MACF1: variants seen among roughly 807,000 people sequenced by gnomAD.
MACF1 encodes microtubule actin crosslinking factor 1.
In MACF1, 193 loss-of-function variants were observed where a neutral mutation model predicts 854.8. That is an observed-to-expected ratio of 0.23 (90% CI 0.20 to 0.25). The LOEUF (loss-of-function observed/expected upper bound fraction) is 0.25, where lower values mean the gene tolerates loss of function less well. Among genes scored for constraint, MACF1 ranks in the 10% least tolerant of loss-of-function variants. The probability of loss-of-function intolerance (pLI) is 1.00; values close to 1 mark genes in which losing one functional copy is unlikely to be tolerated. For synonymous variants in MACF1, 3,185 were observed against 3,226.7 expected, an observed-to-expected ratio of 0.99 and a Z score of 0.44; for missense variants, 7,722 against 8,929.1, an observed-to-expected ratio of 0.86 and a Z score of 5.45.
chr1:39,118,781 G>T (rs971782967), intron 2 of MACF1, among the ~76,000 whole-genome samples: 2 of 152,122 alleles, frequency 1.3e-5, no homozygotes, highest in African/African-American at 4.8e-5. Context: ...GCTAATAAGC[G>T]CAGAAAATAG....
intron 40 of MACF1, 42 bp downstream of exon 40, chr1:39,340,995 A>G (rs369601409): frequency 7.5e-5 from 113 of 1,507,886 alleles, no homozygotes; most frequent in Non-Finnish European, 9.9e-5. Flanking sequence ...AGTTGTATCA[A>G]TTTTATTTCC....
At chr1:39,259,338 T>C (rs545976876) in intron 6 of MACF1, among the ~76,000 whole-genome samples, 4 of 152,338 alleles carry the variant, frequency 2.6e-5, no homozygotes, top group Non-Finnish European at 4.4e-5. Flanking sequence ...CTTGGCTCAC[T>C]GCAACCTCCG....
chr1:39,452,131 C>T (rs1290095444), intron 85 of MACF1, 25 bp from the exon 86 acceptor site: 2 of 1,561,476 alleles, frequency 1.3e-6, no homozygotes, highest in Non-Finnish European at 1.7e-6. Flanking sequence ...CTTGAACAAA[C>T]AAATTCTCCT....
At chr1:39,481,849 A>G (rs1395433892) in intron 99 of MACF1, among the ~76,000 whole-genome samples, 2 of 152,284 alleles carry the variant, frequency 1.3e-5, no homozygotes, top group South Asian at 2.1e-4. Context: ...CAAGGGATGC[A>G]CAAGAAGTCA....
intron 6 of MACF1, among the ~76,000 whole-genome samples, chr1:39,277,613 G>T (rs1343920617): frequency 6.6e-6 from 1 of 152,140 alleles, no homozygotes; most frequent in East Asian, 1.9e-4. Context: ...GGCCAAGCAT[G>T]TCTTCTTTTT....
intron 74 of MACF1, 75 bp downstream of exon 74, chr1:39,441,400 G>A: frequency 8.4e-7 from 1 of 1,197,052 alleles, no homozygotes; most frequent in Non-Finnish European, 1.2e-6. Flanking sequence ...TTGGAATTAA[G>A]CACAAAAGTG....
chr1:39,390,868 G>T (rs1346802815), intron 58 of MACF1, among the ~76,000 whole-genome samples: 1 of 152,182 alleles, frequency 6.6e-6, no homozygotes, highest in African/African-American at 2.4e-5. Context: ...AGCACTTTGG[G>T]AGGCCGAGGC....
intron 58 of MACF1, among the ~76,000 whole-genome samples, chr1:39,389,343 T>G (rs1045154236): frequency 9.6e-5 from 14 of 145,496 alleles, no homozygotes; most frequent in South Asian, 2.1e-4. Flanking sequence ...GGTCTCTGGT[T>G]TTTGTGTGTT....
At chr1:39,133,612 A>G (rs919128208) in intron 2 of MACF1, among the ~76,000 whole-genome samples, 2 of 152,060 alleles carry the variant, frequency 1.3e-5, no homozygotes, top group Non-Finnish European at 2.9e-5. Flanking sequence ...ATATATAAAA[A>G]TTGTATATCT....
At chr1:39,111,231 C>T (rs970300533) in intron 2 of MACF1, among the ~76,000 whole-genome samples, 1 of 152,104 alleles carries the variant, frequency 6.6e-6, no homozygotes, top group Non-Finnish European at 1.5e-5. Flanking sequence ...GAGACAGGGT[C>T]ACCCATGTCA....
intron 2 of MACF1, among the ~76,000 whole-genome samples, chr1:39,167,621 G>T (rs1377059235): frequency 6.6e-6 from 1 of 151,918 alleles, no homozygotes; most frequent in Admixed American, 6.5e-5. Flanking sequence ...CAGGAGAATC[G>T]CTTGAACCTG....
At chr1:39,415,365 T>A (rs1175233868) in intron 58 of MACF1, among the ~76,000 whole-genome samples, 3 of 151,350 alleles carry the variant, frequency 2.0e-5, no homozygotes, top group Admixed American at 6.6e-5. Context: ...TCTGGCTCTG[T>A]CAGTCAGGCT....
At chr1:39,106,920 A>G (rs1018279029) in intron 2 of MACF1, among the ~76,000 whole-genome samples, 2 of 151,628 alleles carry the variant, frequency 1.3e-5, no homozygotes, top group Admixed American at 6.6e-5. Context: ...CCTCTGCATC[A>G]GCTCCTGTAA....
chr1:39,392,594 T>G (rs975603693), intron 58 of MACF1, among the ~76,000 whole-genome samples: 4 of 152,166 alleles, frequency 2.6e-5, no homozygotes, highest in Non-Finnish European at 5.9e-5. Flanking sequence ...AGACGGAAAC[T>G]CTGCTTTAAC....
chr1:39,159,132 AT>A (rs777033161), intron 2 of MACF1, among the ~76,000 whole-genome samples: 15 of 152,114 alleles, frequency 9.9e-5, no homozygotes, highest in Non-Finnish European at 2.1e-4. Context: ...AGCTGGCCCT[AT>A]TTTTTATGCG....
rs1165820855 is a variant in MACF1, at chr1:39,349,720, TCTCCTGGGCTCAGGCAATC to T, written c.10965+98_10965+116del. 3 of 1,333,932 alleles carry T rather than the reference TCTCCTGGGCTCAGGCAATC, an allele frequency of 2.2e-6. No individual in the cohort carries two copies. In the African/African-American group the frequency reaches 4.4e-5, roughly 20 times the overall value. The allele number at this position is 1,333,932 out of a possible 1,614,324, so 82.6% of individuals were successfully genotyped here. ...TTATCTTGGCTCACTGCAGCTTCGA[TCTCCTGGGCTCAGGCAATC>T]CTCCCACCTCAGCCTCCCCAGGAGC... On this transcript the variant is annotated intron_variant, in intron 42 of 100. Coordinates refer to ENST00000564288, the MANE Select transcript of MACF1 (RefSeq NM_001394062.1).
chr1:39,115,421 T>A (rs1030153581), intron 2 of MACF1, among the ~76,000 whole-genome samples: 3 of 151,844 alleles, frequency 2.0e-5, no homozygotes, highest in East Asian at 3.9e-4. Flanking sequence ...GACTTGGAGG[T>A]TTCTGGCTTG....
intron 41 of MACF1, among the ~76,000 whole-genome samples, chr1:39,347,899 C>G (rs924385497): frequency 7.2e-5 from 11 of 152,092 alleles, no homozygotes; most frequent in Admixed American, 4.6e-4. Flanking sequence ...CATCACAACT[C>G]TCTTCTTGCA....
chr1:39,337,191 A>G lies in MACF1; in HGVS notation c.10075A>G (p.Thr3359Ala). 4 of 1,612,644 alleles carry G rather than the reference A, an allele frequency of 2.5e-6. No homozygotes were observed. Among genetic ancestry groups the G allele is most frequent in the Middle Eastern group, 1.7e-4 (1 of 6,056 alleles). ...CTTTTTGGCTCCACAGAATGTATTT[A>G]CCCGGCAACTCTGTTTAGAACATGA... ...EPFRATQNVF[T>A]RQLCLEHDEK... Residue 3359 changes from threonine to alanine, a missense_variant, in exon 38 of 101, where the codon ACC becomes GCC. This residue lies in a region of MACF1 where 854 missense variants were observed against 852.6 expected (regional missense o/e 1.00). Transcript: ENST00000564288.
Sources: allele counts gnomAD v4.1 joint callset (sites outside exome capture counted in the v4.1 genomes callset), GRCh38; gene constraint gnomAD v4.1.1; regional missense constraint gnomAD v4.1.1; transcripts MANE v1.5; gene names NCBI Gene and HGNC (gene_info 2026-07-23, HGNC 2026-07-21).